Variants in HIC1 observed in about 807,000 individuals in gnomAD.
HIC1 encodes the protein HIC ZBTB transcriptional repressor 1.
In HIC1, 9 loss-of-function variants were observed where a neutral mutation model predicts 26.4. The observed-to-expected ratio is 0.34, with a 90% CI of 0.21 to 0.59. The LOEUF (loss-of-function observed/expected upper bound fraction) is 0.59, where lower values mean the gene tolerates loss of function less well. Among genes scored for constraint, HIC1 ranks in the 20% least tolerant of loss-of-function variants. HIC1 has a pLI of 0.82. For synonymous variants in HIC1, 631 were observed against 523.1 expected (o/e 1.21, Z -2.81); for missense variants, 965 against 1,075.7 (o/e 0.90, Z 1.44).
chr17:2,061,960 T>G lies in HIC1; in HGVS notation c.*3125T>G. 5.0e-6 allele frequency: 1 copy of G among 199,200 alleles called. No individual in the cohort carries two copies. Among genetic ancestry groups the G allele is most frequent in the East Asian group, 1.4e-4 (1 of 7,396 alleles). 12.3% of individuals were successfully genotyped at this position (199,200 alleles called of 1,614,324 possible). On this transcript the variant is annotated 3_prime_UTR_variant, in exon 2 of 2. Transcript: ENST00000619757. ...TTGACCTCTACTCCTTTTTACCACA[T>G]GGCTGGCCCCCAGATCACAACACCG...
Position 2,057,299 on chromosome 17 carries a change from AC to A in HIC1, c.612del (p.Gly205AlafsTer109). 1 of 1,479,866 alleles carries A rather than the reference AC, an allele frequency of 6.8e-7. No individual in the cohort carries two copies. Among genetic ancestry groups the A allele is most frequent in the Non-Finnish European group, 8.9e-7 (1 of 1,122,944 alleles). 91.7% of individuals were successfully genotyped at this position (1,479,866 alleles called of 1,614,324 possible). ...ACTGCGCCGAGCTGTACGCGTCGGG[AC>A]CCGGCCCGGCCGCCGCACTCTGTGC... The part of the protein sequence containing the change: ...THCAELYASG[P>X]GPAAALCASE... On this transcript the variant is annotated frameshift_variant, in exon 2 of 2. Coordinates refer to ENST00000619757, the MANE Select transcript of HIC1 (RefSeq NM_006497.4). LOFTEE classifies it low-confidence loss of function (END_TRUNC).
chr17:2,056,590 G>C, intron 1 of HIC1, 81 bp from the exon 2 acceptor site: 2 of 1,457,410 alleles, frequency 1.4e-6, no homozygotes, highest in Non-Finnish European at 9.1e-7. Context: ...GGAAGGGGAA[G>C]TGGAGGGGAG....
rs986169306 is a variant in HIC1 at position 2,058,498 on chromosome 17, C to T, written c.1808C>T (p.Ala603Val). Residue 603 changes from alanine (A) to valine (V), a missense_variant, in exon 2 of 2, where the codon GCC becomes GTC. Physicochemically the swap from Ala to Val is moderately conservative, Grantham distance 64 (BLOSUM62 0). Around this residue, in one of 6 missense-constraint regions of HIC1, gnomAD observed 210 missense variants for 179.2 expected, o/e 1.17. Coordinates refer to ENST00000619757, the MANE Select transcript of HIC1 (RefSeq NM_006497.4). ...MHAVGGAAGA[A>V]GALAGLGGLP... ...GCCGTGGGGGGCGCGGCCGGCGCGG[C>T]CGGGGCGCTGGCGGGCTTGGGGGGG... is the stretch of plus-strand genomic sequence containing the variant. The T allele has an allele frequency of 6.8e-7, 1 of 1,475,866 alleles. No homozygotes were observed. The highest frequency in any genetic ancestry group is 8.9e-7 in the Non-Finnish European group (1 of 1,122,764). 91.4% of individuals were successfully genotyped at this position (1,475,866 alleles called of 1,614,324 possible). A position where few individuals can be genotyped will look rare whatever the true frequency, so the allele number is the denominator to read the frequency against.
chr17:2,060,454 G>A lies in HIC1; in HGVS notation c.*1619G>A, dbSNP rs2067740492. On this transcript the variant is annotated 3_prime_UTR_variant, in exon 2 of 2. Coordinates refer to ENST00000619757, the MANE Select transcript of HIC1 (RefSeq NM_006497.4). The stretch of plus-strand genomic sequence containing the variant: ...GTTTCTCCCAGCACAGGAGCCGAGG[G>A]TGGAAGGCCCTGGGTGGGAGACCTG... 1 of 152,308 alleles carries A rather than the reference G, an allele frequency of 6.6e-6. No homozygotes were observed. The highest frequency in any genetic ancestry group is 2.4e-5 in the African/African-American group (1 of 41,464). The allele number at this position is 152,308 out of a possible 1,614,324, so 9.4% of individuals were successfully genotyped here. A position where few individuals can be genotyped will look rare whatever the true frequency, so the allele number is the denominator to read the frequency against.
chr17:2,056,327 G>T, intron 1 of HIC1: 1 of 1,613,576 alleles, frequency 6.2e-7, no homozygotes, highest in Non-Finnish European at 8.5e-7. Context: ...TTCCTGAAGC[G>T]GACATTTTAC....
In HIC1 at chr17:2,058,866, C is replaced by T. The variant is rs1325037104; in HGVS notation, c.*31C>T. The T allele has an allele frequency of 7.1e-7, 1 of 1,407,042 alleles. No individual in the cohort carries two copies. Among genetic ancestry groups the T allele is most frequent in the Non-Finnish European group, 9.2e-7 (1 of 1,082,804 alleles). The allele number at this position is 1,407,042 out of a possible 1,614,324, so 87.2% of individuals were successfully genotyped here. ...CCCTCGCCAGCCCGCTCTGTCGCTG[C>T]TGCGCGGCCCTGGCCCGCACCCCAG... is the stretch of plus-strand genomic sequence containing the variant. On this transcript the variant is annotated 3_prime_UTR_variant, in exon 2 of 2. Coordinates refer to ENST00000619757, the MANE Select transcript of HIC1 (RefSeq NM_006497.4).
rs185762487 is a variant in HIC1 at position 2,061,360 on chromosome 17, G to A, written c.*2525G>A. The A allele has an allele frequency of 1.7e-3, 1,540 of 892,726 alleles. 5 individuals carry two copies. The highest frequency in any genetic ancestry group is 2.1e-3 in the Non-Finnish European group (1,223 of 596,092). 55.3% of individuals were successfully genotyped at this position (892,726 alleles called of 1,614,324 possible). On this transcript the variant is annotated 3_prime_UTR_variant, in exon 2 of 2. Transcript: ENST00000619757. ...GTCCCCCACAGCATGGCCGTGGCGT[G>A]GGTTGGAAGAGGATGGTTTATTGTC... is the stretch of plus-strand genomic sequence containing the variant.
chr17:2,063,078 ACTGG>A lies in HIC1; in HGVS notation c.*4247_*4250del, dbSNP rs1242182478. 2 of 152,240 alleles carry A rather than the reference ACTGG, an allele frequency of 1.3e-5. No homozygotes were observed. Among genetic ancestry groups the A allele is most frequent in the African/African-American group, 4.8e-5 (2 of 41,422 alleles). 9.4% of individuals were successfully genotyped at this position (152,240 alleles called of 1,614,324 possible). ...CAGGGCTGTGTGGGGCTCCCAGCTGACTGGCTGCGTCTGTAGCAGCCCCACTATT... is the reference window on the plus strand; with the variant it reads ...CAGGGCTGTGTGGGGCTCCCAGCTGACTGCGTCTGTAGCAGCCCCACTATT... On this transcript the variant is annotated 3_prime_UTR_variant, in exon 2 of 2. Coordinates refer to ENST00000619757, the MANE Select transcript of HIC1 (RefSeq NM_006497.4).
rs1478837365 is a variant in HIC1, at chr17:2,060,866, AG to A, written c.*2034del. ...AAGGGCAGGAAGAGGAGCAGCAGGA[AG>A]GGTGTGTGGTAAGTCTGGGGTGGAT... On this transcript the variant is annotated 3_prime_UTR_variant, in exon 2 of 2. Coordinates refer to ENST00000619757, the MANE Select transcript of HIC1 (RefSeq NM_006497.4). 1 of 153,378 alleles carries A rather than the reference AG, an allele frequency of 6.5e-6. No individual in the cohort carries two copies. Among genetic ancestry groups the A allele is most frequent in the African/African-American group, 2.4e-5 (1 of 41,448 alleles). 9.5% of individuals were successfully genotyped at this position (153,378 alleles called of 1,614,324 possible).
Position 2,058,657 on chromosome 17 carries a change from C to A in HIC1, c.1967C>A (p.Ala656Glu), listed in dbSNP as rs763628789. The A allele has an allele frequency of 1.9e-5, 29 of 1,562,200 alleles. No homozygotes were observed. The highest frequency in any genetic ancestry group is 2.1e-5 in the Non-Finnish European group (24 of 1,160,246). Reference protein sequence around the residue: ...QDKAAAAELLAQTTHFLHDPK... With the variant: ...QDKAAAAELLEQTTHFLHDPK... ...AAGGCGGCCGCGGCCGAGCTGCTGGCGCAGACCACGCACTTCCTGCACGAC... is the reference window on the plus strand; with the variant it reads ...AAGGCGGCCGCGGCCGAGCTGCTGGAGCAGACCACGCACTTCCTGCACGAC... Residue 656 changes from alanine to glutamate, a missense_variant, in exon 2 of 2, where the codon GCG (alanine) becomes GAG (glutamate). Transcript: ENST00000619757.
At position 2,057,066 on chromosome 17, in the gene HIC1, T is replaced by C; in HGVS notation, c.376T>C (p.Cys126Arg). 6.9e-7 allele frequency: 1 copy of C among 1,441,490 alleles called. No individual in the cohort carries two copies. Among genetic ancestry groups the C allele is most frequent in the South Asian group, 1.5e-5 (1 of 67,976 alleles). 89.3% of individuals were successfully genotyped at this position (1,441,490 alleles called of 1,614,324 possible). A position where few individuals can be genotyped will look rare whatever the true frequency, so the allele number is the denominator to read the frequency against. ...GCAGATCCCCGACCTCGTGGCGCTG[T>C]GCAAGAAACGCCTCAAGCGCCACGG... ...YLQIPDLVAL[C>R]KKRLKRHGKY... The change falls in exon 2 of 2, where the codon TGC (cysteine) becomes CGC (arginine). Residue 126 changes from cysteine (C) to arginine (R), a missense_variant. This residue lies in a region of HIC1 where 526 missense variants were observed against 525.0 expected (regional missense o/e 1.00). Transcript: ENST00000619757.
In HIC1 at chr17:2,058,547, C is replaced by G; in HGVS notation, c.1857C>G (p.Asp619Glu). 1 of 1,529,186 alleles carries G rather than the reference C, an allele frequency of 6.5e-7. No individual in the cohort carries two copies. The highest frequency in any genetic ancestry group is 8.7e-7 in the Non-Finnish European group (1 of 1,145,172). The allele number at this position is 1,529,186 out of a possible 1,614,324, so 94.7% of individuals were successfully genotyped here. The change falls in exon 2 of 2, where the codon GAC (aspartate) becomes GAG (glutamate). Residue 619 changes from aspartate to glutamate, a missense_variant. Physicochemically the swap from Asp to Glu is conservative, Grantham distance 45. This residue lies in a region of HIC1 where 210 missense variants were observed against 179.2 expected (regional missense o/e 1.17). Coordinates refer to ENST00000619757, the MANE Select transcript of HIC1 (RefSeq NM_006497.4). ...LGGLPGVPGPDGKGKLDFPEG... is the reference protein window; with the variant it reads ...LGGLPGVPGPEGKGKLDFPEG... ...GGCTCCCCGGCGTCCCCGGCCCCGA[C>G]GGCAAGGGCAAGCTCGACTTCCCCG...
At position 2,057,849 on chromosome 17, in the gene HIC1, A is replaced by G; in HGVS notation, c.1159A>G (p.Ser387Gly). ...YKSSSEETGS[S>G]EDPSPPGGHL... The stretch of plus-strand genomic sequence containing the variant: ...GAGCAGCAGCGAGGAGACCGGTAGC[A>G]GCGAGGACCCCAGCCCGCCTGGCGG... Residue 387 changes from serine to glycine, a missense_variant, in exon 2 of 2, where the codon AGC becomes GGC. Physicochemically the swap from Ser to Gly is moderately conservative, Grantham distance 56. Coordinates refer to ENST00000619757, the MANE Select transcript of HIC1 (RefSeq NM_006497.4). The G allele has an allele frequency of 1.9e-6, 3 of 1,586,554 alleles. No homozygotes were observed. In the Middle Eastern group the frequency reaches 5.0e-4, roughly 264 times the overall value.
chr17:2,056,275 C>A, intron 1 of HIC1: 1 of 1,600,402 alleles, frequency 6.2e-7, no homozygotes. Context: ...CCTCGGCTCC[C>A]TTTCTCCCTA....
rs2151377097 is a variant in HIC1 at position 2,061,700 on chromosome 17, T to A, written c.*2865T>A. The stretch of plus-strand genomic sequence containing the variant: ...TGGCTGCTCTTCTCACCCTGGAGAA[T>A]GTGGTCCTGGGGAGGGGGTGCCACG... On this transcript the variant is annotated 3_prime_UTR_variant, in exon 2 of 2. Coordinates refer to ENST00000619757, the MANE Select transcript of HIC1 (RefSeq NM_006497.4). 6.7e-7 allele frequency: 1 copy of A among 1,488,656 alleles called. No homozygotes were observed. The allele number at this position is 1,488,656 out of a possible 1,614,324, so 92.2% of individuals were successfully genotyped here. A position where few individuals can be genotyped will look rare whatever the true frequency, so the allele number is the denominator to read the frequency against.
At position 2,061,833 on chromosome 17, in the gene HIC1, A is replaced by T; in HGVS notation, c.*2998A>T. The stretch of plus-strand genomic sequence containing the variant: ...AGGGCTGCACTGGGCTTCTGCCTTG[A>T]CTCCGGCCTCCCATACAGGACTCTC... On this transcript the variant is annotated 3_prime_UTR_variant, in exon 2 of 2. Coordinates refer to ENST00000619757, the MANE Select transcript of HIC1 (RefSeq NM_006497.4). 1 of 548,058 alleles carries T rather than the reference A, an allele frequency of 1.8e-6. No homozygotes were observed. The highest frequency in any genetic ancestry group is 3.3e-6 in the Non-Finnish European group (1 of 307,588). 33.9% of individuals were successfully genotyped at this position (548,058 alleles called of 1,614,324 possible). A position where few individuals can be genotyped will look rare whatever the true frequency, so the allele number is the denominator to read the frequency against.
chr17:2,058,867 T>A lies in HIC1; in HGVS notation c.*32T>A. The A allele has an allele frequency of 7.1e-7, 1 of 1,406,852 alleles. No homozygotes were observed. Among genetic ancestry groups the A allele is most frequent in the Non-Finnish European group, 9.2e-7 (1 of 1,082,710 alleles). 87.1% of individuals were successfully genotyped at this position (1,406,852 alleles called of 1,614,324 possible). A position where few individuals can be genotyped will look rare whatever the true frequency, so the allele number is the denominator to read the frequency against. ...CCTCGCCAGCCCGCTCTGTCGCTGC[T>A]GCGCGGCCCTGGCCCGCACCCCAGG... On this transcript the variant is annotated 3_prime_UTR_variant, in exon 2 of 2. Coordinates refer to ENST00000619757, the MANE Select transcript of HIC1 (RefSeq NM_006497.4).
At position 2,057,872 on chromosome 17, in the gene HIC1, C is replaced by T; in HGVS notation, c.1182C>T (p.Gly394=). 1.3e-6 allele frequency: 2 copies of T among 1,595,534 alleles called. No individual in the cohort carries two copies. The highest frequency in any genetic ancestry group is 1.7e-6 in the Non-Finnish European group (2 of 1,171,998). ...TGSSEDPSPP[G]GHLEGYPCPH... ...GCAGCGAGGACCCCAGCCCGCCTGGCGGCCACCTCGAGGGCTACCCATGCC... is the reference window on the plus strand; with the variant it reads ...GCAGCGAGGACCCCAGCCCGCCTGGTGGCCACCTCGAGGGCTACCCATGCC... The change falls in exon 2 of 2, where the codon GGC becomes GGT. Residue 394 remains glycine, a synonymous_variant. Coordinates refer to ENST00000619757, the MANE Select transcript of HIC1 (RefSeq NM_006497.4).
chr17:2,057,249 G>T lies in HIC1; in HGVS notation c.559G>T (p.Gly187Cys). 6.9e-7 allele frequency: 1 copy of T among 1,446,574 alleles called. No individual in the cohort carries two copies. Among genetic ancestry groups the T allele is most frequent in the Non-Finnish European group, 9.1e-7 (1 of 1,103,620 alleles). The allele number at this position is 1,446,574 out of a possible 1,614,324, so 89.6% of individuals were successfully genotyped here. The change falls in exon 2 of 2, where the codon GGC (glycine) becomes TGC (cysteine). Residue 187 changes from glycine to cysteine, a missense_variant. This residue lies in a region of HIC1 where 526 missense variants were observed against 525.0 expected (regional missense o/e 1.00). Transcript: ENST00000619757. ...GCCGCCTGCCGCGGAGCCGCCCTCG[G>T]GCCCAGAGGCCGCGGTCAACACGCA... ...PPPPAAEPPSGPEAAVNTHCA... is the reference protein window; with the variant it reads ...PPPPAAEPPSCPEAAVNTHCA...
Sources: allele counts gnomAD v4.1 joint callset, GRCh38; gene constraint gnomAD v4.1.1; regional missense constraint gnomAD v4.1.1; transcripts MANE v1.5; gene names NCBI Gene and HGNC (gene_info 2026-07-23, HGNC 2026-07-21).